Variants in TSPAN8 observed in about 807,000 individuals in gnomAD.
The protein encoded by TSPAN8 is tetraspanin 8.
In TSPAN8, 21 loss-of-function variants were observed where a neutral mutation model predicts 32.8. The ratio of observed to expected loss-of-function variants is 0.64; its 90% CI spans 0.45 to 0.92. The LOEUF is 0.92. Ranked by LOEUF, TSPAN8 falls within the 40% of genes least tolerant of loss-of-function variation. The pLI is 0.00. For synonymous variants in TSPAN8, 95 were observed against 94.6 expected (o/e 1.00, Z -0.03); for missense variants, 269 against 281.9 (o/e 0.95, Z 0.33).
intron 3 of TSPAN8, among the ~76,000 whole-genome samples, chr12:71,142,046 TTATGC>T (rs1241389748): frequency 1.3e-5 from 2 of 152,230 alleles, no homozygotes; most frequent in African/African-American, 4.8e-5. Context: ...TTTTCTGTGT[TTATGC>T]TCATGTTTTT....
chr12:71,128,745 T>G (rs1411182420), intron 8 of TSPAN8, among the ~76,000 whole-genome samples: 1 of 151,576 alleles, frequency 6.6e-6, no homozygotes, highest in Non-Finnish European at 1.5e-5. Flanking sequence ...ATGAAAGTAA[T>G]ACATAAGCCT....
intron 3 of TSPAN8, among the ~76,000 whole-genome samples, chr12:71,140,455 G>T (rs1242196489): frequency 6.6e-6 from 1 of 152,122 alleles, no homozygotes. Flanking sequence ...ACTTCCATGG[G>T]TTAATAAAAA....
intron 2 of TSPAN8, among the ~76,000 whole-genome samples, chr12:71,148,420 G>A (rs1872143332): frequency 6.6e-6 from 1 of 152,078 alleles, no homozygotes; most frequent in African/African-American, 2.4e-5. Flanking sequence ...TTTGTCAGTT[G>A]TATCTAGACA....
At chr12:71,152,279 A>T (rs1476370231) in intron 2 of TSPAN8, among the ~76,000 whole-genome samples, 9 of 152,144 alleles carry the variant, frequency 5.9e-5, no homozygotes, top group African/African-American at 2.2e-4. Context: ...CTTTTTCCCC[A>T]TTCCCTTAAT....
intron 2 of TSPAN8, chr12:71,157,318 A>G (rs1456962690): frequency 3.2e-6 from 1 of 313,020 alleles, no homozygotes; most frequent in African/African-American, 2.1e-5. Context: ...ATATACAACT[A>G]AGGAAAATTG....
chr12:71,129,539 A>G, intron 7 of TSPAN8, 125 bp from the exon 8 acceptor site: 2 of 1,069,322 alleles, frequency 1.9e-6, no homozygotes, highest in South Asian at 3.9e-5. Context: ...ACGACAAGGA[A>G]CTGGGTTATT....
At chr12:71,149,596 G>T (rs932153960) in intron 2 of TSPAN8, among the ~76,000 whole-genome samples, 1 of 152,236 alleles carries the variant, frequency 6.6e-6, no homozygotes, top group African/African-American at 2.4e-5. Context: ...GGACTGGCTG[G>T]AGCCGCGGCA....
chr12:71,143,423 G>A (rs1057345787), intron 3 of TSPAN8, among the ~76,000 whole-genome samples: 3 of 152,152 alleles, frequency 2.0e-5, no homozygotes, highest in African/African-American at 7.2e-5. Context: ...AATAGCTGGA[G>A]CCAGAATTAA....
At position 71,129,387 on chromosome 12, in the gene TSPAN8, A is replaced by C. The variant is rs781166498; in HGVS notation, c.604T>G (p.Leu202Val). ...ETCISFIKDFLAKNLIIVIGI... is the reference protein window; with the variant it reads ...ETCISFIKDFVAKNLIIVIGI... ...ATAACTATAATCAAATTTTTTGCCA[A>C]GAAGTCTTTTATGAAAGAAATACAG... is the stretch of plus-strand genomic sequence containing the variant. The change falls in exon 8 of 9, where the codon TTG becomes GTG. Residue 202 changes from leucine to valine, a missense_variant. Leu to Val is a conservative substitution (Grantham distance 32, BLOSUM62 1). Transcript: ENST00000247829. 6.3e-7 allele frequency: 1 copy of C among 1,586,190 alleles called. No homozygotes were observed. The highest frequency in any genetic ancestry group is 1.4e-5 in the African/African-American group (1 of 73,136).
At chr12:71,157,208 T>C (rs1872471708) in intron 2 of TSPAN8, 1 of 165,798 alleles carries the variant, frequency 6.0e-6, no homozygotes. Context: ...GATTCACCTG[T>C]TCAAACCCAG....
At chr12:71,133,248 A>G (rs985000361) in intron 6 of TSPAN8, among the ~76,000 whole-genome samples, 4 of 151,776 alleles carry the variant, frequency 2.6e-5, no homozygotes, top group African/African-American at 7.3e-5. Context: ...CACCACGCCC[A>G]GCTAATTTTT....
chr12:71,145,253 G>A (rs980887330), intron 2 of TSPAN8, among the ~76,000 whole-genome samples: 2 of 152,082 alleles, frequency 1.3e-5, no homozygotes, highest in African/African-American at 4.8e-5. Context: ...AGCACAATGA[G>A]TAGTTGAGTA....
At chr12:71,146,075 CT>C (rs774489136) in intron 2 of TSPAN8, among the ~76,000 whole-genome samples, 6 of 152,192 alleles carry the variant, frequency 3.9e-5, no homozygotes, top group Non-Finnish European at 8.8e-5. Flanking sequence ...CAGATAGCAA[CT>C]TTTAGTCTTC....
intron 4 of TSPAN8, 64 bp from the exon 5 acceptor site, chr12:71,138,294 T>C: frequency 2.8e-6 from 4 of 1,433,886 alleles, no homozygotes; most frequent in Non-Finnish European, 3.9e-6. Flanking sequence ...GGGGACATTC[T>C]GGCACAGCAC....
chr12:71,141,315 T>C (rs1798090), intron 3 of TSPAN8, among the ~76,000 whole-genome samples: 60,412 of 152,084 alleles, frequency 0.4, 12,480 homozygotes, highest in African/African-American at 0.46. Context: ...TTCTCATTAA[T>C]ATTAGAGCTA....
At chr12:71,156,278 A>AC (rs1872437141) in intron 2 of TSPAN8, among the ~76,000 whole-genome samples, 1 of 147,858 alleles carries the variant, frequency 6.8e-6, no homozygotes, top group African/African-American at 2.5e-5. Flanking sequence ...ACAAACAAAA[A>AC]AAAAACTAGA....
rs1468658008 is a variant in TSPAN8, at chr12:71,149,784, CAT to C, written c.61-5573_61-5572del. On this transcript the variant is annotated intron_variant, in intron 2 of 8. Transcript: ENST00000247829. ...TTAACTGTATAAATTGATTGTAAAA[CAT>C]GTGCGTTTGAACAATATGAAATCAG... 1.7e-4 allele frequency among the ~76,000 whole-genome samples: 26 copies of C among 152,192 alleles called. 1 individual carries two copies. The highest frequency in any genetic ancestry group is 1.7e-3 in the Admixed American group (26 of 15,280).
At chr12:71,132,060 A>G (rs901297073) in intron 7 of TSPAN8, among the ~76,000 whole-genome samples, 2 of 152,230 alleles carry the variant, frequency 1.3e-5, no homozygotes, top group Non-Finnish European at 2.9e-5. Context: ...TAGGACATCC[A>G]TGTATTGACA....
chr12:71,154,032 G>C (rs1432864931), intron 2 of TSPAN8, among the ~76,000 whole-genome samples: 1 of 152,112 alleles, frequency 6.6e-6, no homozygotes, highest in Non-Finnish European at 1.5e-5. Flanking sequence ...GCTCTGGCCA[G>C]GCGCGGTGCC....
Sources: gnomAD v4.1 joint callset for allele counts (sites outside exome capture counted in the v4.1 genomes callset) on GRCh38, gnomAD v4.1.1 for gene constraint, MANE v1.5 for transcripts, NCBI Gene and HGNC (gene_info 2026-07-23, HGNC 2026-07-21) for gene names.